JAK1: variants seen among roughly 807,000 people sequenced by gnomAD.
JAK1 encodes the protein tyrosine-protein kinase JAK1.
Under a neutral mutation model 136.6 loss-of-function variants are expected in JAK1, and 16 were observed. The ratio of observed to expected loss-of-function variants is 0.12; its 90% confidence interval spans 0.08 to 0.18. JAK1 has a LOEUF of 0.18. Among genes scored for constraint, JAK1 ranks in the 10% least tolerant of loss-of-function variants. The pLI is 1.00. For synonymous variants in JAK1, 492 were observed against 519.5 expected (o/e 0.95, Z 0.72); for missense variants, 859 against 1,450.1 (o/e 0.59, Z 6.62).
chr1:64,931,367 G>C (rs1645688715), intron 1 of JAK1, among the ~76,000 whole-genome samples: 1 of 152,016 alleles, frequency 6.6e-6, no homozygotes, highest in African/African-American at 2.4e-5. Flanking sequence ...TAAGAAGGGA[G>C]GGCCATTCCC....
intron 1 of JAK1, among the ~76,000 whole-genome samples, chr1:64,937,575 A>C (rs1384160517): frequency 6.6e-6 from 1 of 152,208 alleles, no homozygotes. Context: ...ACTTCTTGTC[A>C]ATCTATAATT....
intron 1 of JAK1, among the ~76,000 whole-genome samples, chr1:65,046,827 GGTGTGAGCCACCGCA>G (rs71798999): frequency 0.062 from 9,352 of 150,554 alleles, 362 homozygotes; most frequent in Admixed American, 0.15. Flanking sequence ...TGGGATTACA[GGTGTGAGCCACCGCA>G]GTGTGAGCCA....
intron 1 of JAK1, among the ~76,000 whole-genome samples, chr1:64,915,900 C>T (rs527991043): frequency 4.6e-5 from 7 of 152,278 alleles, no homozygotes; most frequent in Admixed American, 4.6e-4. Context: ...GATGCTACAG[C>T]CTTCACCCTC....
At position 64,866,108 on chromosome 1, in the gene JAK1, A is replaced by G. The variant is rs138745825; in HGVS notation, c.990+758T>C. The stretch of plus-strand genomic sequence containing the variant: ...TACAGTAATAATAATTGTAACGGCT[A>G]TAATAATTTATTCAACATTTATTGT... On this transcript the variant is annotated intron_variant, in intron 7 of 24. Transcript: ENST00000342505. Among the ~76,000 whole-genome samples, 678 of 152,318 alleles carry G rather than the reference A, an allele frequency of 4.5e-3. 9 individuals carry two copies. Among genetic ancestry groups the G allele is most frequent in the African/African-American group, 0.016 (662 of 41,552 alleles).
Position 64,844,742 on chromosome 1 carries a change from G to A in JAK1, c.2251+12C>T, listed in dbSNP as rs1219292357. ...TCGGGGTGGGGCCAGAGGGAAGAGA[G>A]GGGAGACACACCTTGCCTAGACAGC... is the stretch of plus-strand genomic sequence containing the variant. On this transcript the variant is annotated intron_variant, in intron 16 of 24. Coordinates refer to ENST00000342505, the MANE Select transcript of JAK1 (RefSeq NM_002227.4). This position sits in a 1 kb window ranked among gnomAD's most constrained non-coding sequence, Gnocchi z 5.7. 3 of 1,613,850 alleles carry A rather than the reference G, an allele frequency of 1.9e-6. No individual in the cohort carries two copies. Among genetic ancestry groups the A allele is most frequent in the Non-Finnish European group, 2.5e-6 (3 of 1,179,966 alleles).
intron 2 of JAK1, among the ~76,000 whole-genome samples, chr1:65,039,245 GCTCT>G (rs1464094309): frequency 6.6e-6 from 1 of 152,158 alleles, no homozygotes; most frequent in East Asian, 1.9e-4. Flanking sequence ...CATGCCAGTT[GCTCT>G]CTTTGTTCCC....
chr1:64,887,210 G>C (rs1644865363), intron 1 of JAK1, among the ~76,000 whole-genome samples: 1 of 152,228 alleles, frequency 6.6e-6, no homozygotes, highest in Non-Finnish European at 1.5e-5. Flanking sequence ...GCTTTCTGCA[G>C]TGGGTAAGAC....
At chr1:64,914,789 C>T (rs1645364172) in intron 1 of JAK1, among the ~76,000 whole-genome samples, 1 of 152,098 alleles carries the variant, frequency 6.6e-6, no homozygotes, top group Non-Finnish European at 1.5e-5. Flanking sequence ...GTCTTGAACT[C>T]CTGACCTCAA....
intron 2 of JAK1, among the ~76,000 whole-genome samples, chr1:65,010,915 C>T (rs530160005): frequency 1.3e-5 from 2 of 152,234 alleles, no homozygotes; most frequent in African/African-American, 4.8e-5. Flanking sequence ...GCCATCCAGC[C>T]ACTTTGTGGC....
At chr1:64,895,616 C>T (rs184426510) in intron 1 of JAK1, among the ~76,000 whole-genome samples, 36 of 152,290 alleles carry the variant, frequency 2.4e-4, no homozygotes, top group Admixed American at 1.8e-3. Flanking sequence ...TGTTTCAATA[C>T]AAACAGCTGG....
Position 65,007,384 on chromosome 1 carries a change from G to A in JAK1, c.-78+37096C>T, listed in dbSNP as rs1284103584. On this transcript the variant is annotated intron_variant, in intron 2 of 25. Coordinates refer to the JAK1 transcript ENST00000671954. ...ATCAGATAACCACCACATCACTCCTGTGGTGACCCGAGTCTGGTCACCTGG... is the reference window on the plus strand; with the variant it reads ...ATCAGATAACCACCACATCACTCCTATGGTGACCCGAGTCTGGTCACCTGG... 3.3e-5 allele frequency among the ~76,000 whole-genome samples: 5 copies of A among 152,278 alleles called. No individual in the cohort carries two copies. In the South Asian group the frequency reaches 1.0e-3, roughly 32 times the overall value.
intron 2 of JAK1, chr1:65,003,953 G>GT (rs1188594594): frequency 6.6e-6 from 1 of 152,112 alleles, no homozygotes. Context: ...GTTTTGTTTT[G>GT]TTTTTTGAGA....
chr1:64,883,221 C>T, intron 3 of JAK1, 56 bp downstream of exon 3: 1 of 1,434,426 alleles, frequency 7.0e-7, no homozygotes. Flanking sequence ...ACCCCCAGAT[C>T]TTCTGAACTA....
rs566626462 is a variant in JAK1 at position 64,930,518 on chromosome 1, G to A, written c.-78+35815C>T. Reference sequence around the variant, plus strand: ...GGAAACAACAGATGCTGGAAAGGATGTGAGAAATAGGAACACTTTATGCTG... The same window carrying A: ...GGAAACAACAGATGCTGGAAAGGATATGAGAAATAGGAACACTTTATGCTG... On this transcript the variant is annotated intron_variant, in intron 1 of 24. Transcript: ENST00000342505. Among the ~76,000 whole-genome samples, 9 of 152,290 alleles carry A rather than the reference G, an allele frequency of 5.9e-5. 1 individual carries two copies. In the East Asian group the frequency reaches 1.4e-3, roughly 23 times the overall value.
At chr1:64,882,477 C>A (rs999039836) in intron 3 of JAK1, among the ~76,000 whole-genome samples, 3 of 152,182 alleles carry the variant, frequency 2.0e-5, no homozygotes. Context: ...TTTAAGTGTA[C>A]AATTCAACAG....
chr1:64,842,877 G>T (rs540695866), intron 17 of JAK1, among the ~76,000 whole-genome samples: 12 of 152,108 alleles, frequency 7.9e-5, no homozygotes, highest in Non-Finnish European at 1.3e-4. Context: ...TCATTAACTG[G>T]CAAGTCATAA....
intron 13 of JAK1, among the ~76,000 whole-genome samples, chr1:64,847,304 G>T (rs190267689): frequency 6.6e-6 from 1 of 152,278 alleles, no homozygotes; most frequent in African/African-American, 2.4e-5. Flanking sequence ...TGGGGGTTGG[G>T]GGTGGAAGGG....
chr1:64,857,581 C>A (rs761376524), intron 10 of JAK1, 75 bp downstream of exon 10: 10 of 1,576,742 alleles, frequency 6.3e-6, no homozygotes, highest in South Asian at 1.1e-5. Context: ...GTTCTGTCTG[C>A]AGCAGCTCCT....
chr1:64,834,657 C>T lies in JAK1; in HGVS notation c.3370G>A (p.Val1124Ile). Reference sequence around the variant, plus strand: ...CAGCATTTCCTCATAAGTTGATAAACCTGTAAAAAGAAAGAAGTAACAACA... The same window carrying T: ...CAGCATTTCCTCATAAGTTGATAAATCTGTAAAAAGAAAGAAGTAACAACA... ...LPCPPNCPDE[V>I]YQLMRKCWEF... The change falls in exon 25 of 25, where the codon GTT (valine) becomes ATT (isoleucine). Residue 1124 changes from valine (V) to isoleucine (I), a missense_variant and splice_region_variant. Val to Ile is a conservative substitution (Grantham distance 29). Coordinates refer to ENST00000342505, the MANE Select transcript of JAK1 (RefSeq NM_002227.4). The T allele has an allele frequency of 6.3e-7, 1 of 1,597,832 alleles. No homozygotes were observed. The highest frequency in any genetic ancestry group is 8.6e-7 in the Non-Finnish European group (1 of 1,166,474).
Sources: gnomAD v4.1 joint callset for allele counts (sites outside exome capture counted in the v4.1 genomes callset) on GRCh38, gnomAD v4.1.1 for gene constraint, Gnocchi (gnomAD v3.1) non-coding constraint, MANE v1.5 for transcripts, NCBI Gene and HGNC (gene_info 2026-07-23, HGNC 2026-07-21) for gene names.